Variants in ZNF502 observed in about 807,000 individuals in gnomAD.
ZNF502 encodes the protein zinc finger protein 502.
ZNF502 carries 29 observed loss-of-function variants against 43.6 expected under a neutral mutation model. The observed-to-expected ratio is 0.67, with a 90% CI of 0.50 to 0.91. ZNF502 has a LOEUF of 0.91. Among genes scored for constraint, ZNF502 ranks in the 40% least tolerant of loss-of-function variants. ZNF502 has a pLI of 0.00. For synonymous variants in ZNF502, 171 were observed against 207.4 expected (o/e 0.82, Z 1.51); for missense variants, 591 against 647.2 (o/e 0.91, Z 0.94).
rs144616637 is a variant in ZNF502 at position 44,721,677 on chromosome 3, G to T, written c.860G>T (p.Arg287Ile). 2 of 1,614,032 alleles carry T rather than the reference G, an allele frequency of 1.2e-6. No homozygotes were observed. The highest frequency in any genetic ancestry group is 2.2e-5 in the East Asian group (1 of 44,870). Reference sequence around the variant, plus strand: ...AATACACACCTTATTCATCATCAGAGAATTCACACTGGTGAGAAGCCTTAC... The same window carrying T: ...AATACACACCTTATTCATCATCAGATAATTCACACTGGTGAGAAGCCTTAC... ...NQNTHLIHHQ[R>I]IHTGEKPYIC... Residue 287 changes from arginine (R) to isoleucine (I), a missense_variant, in exon 3 of 3, where the codon AGA becomes ATA. Coordinates refer to ENST00000436624, the MANE Select transcript of ZNF502 (RefSeq NM_001134442.3).
At chr3:44,716,896 G>A (rs886565470) in intron 1 of ZNF502, among the ~76,000 whole-genome samples, 2 of 151,874 alleles carry the variant, frequency 1.3e-5, no homozygotes, top group African/African-American at 4.8e-5. Context: ...TTTTCTCTCA[G>A]TTCATCTTTT....
chr3:44,713,987 C>T (rs1046934744), intron 1 of ZNF502, among the ~76,000 whole-genome samples: 1 of 152,122 alleles, frequency 6.6e-6, no homozygotes, highest in Non-Finnish European at 1.5e-5. Flanking sequence ...AAGTGTACTG[C>T]CACAGCTTGG....
Position 44,722,365 on chromosome 3 carries a change from G to T in ZNF502, c.1548G>T (p.Glu516Asp). Reference sequence around the variant, plus strand: ...AACATTACAGAATTCACACTGGTGAGAAGCCTTATGAGTGTATTGAGTGTG... The same window carrying T: ...AACATTACAGAATTCACACTGGTGATAAGCCTTATGAGTGTATTGAGTGTG... The part of the protein sequence containing the change: ...LSEHYRIHTG[E>D]KPYECIECGK... Residue 516 changes from glutamate to aspartate, a missense_variant, in exon 3 of 3, where the codon GAG becomes GAT. Physicochemically the swap from Glu to Asp is conservative, Grantham distance 45. Transcript: ENST00000436624. 6.2e-7 allele frequency: 1 copy of T among 1,614,258 alleles called. No individual in the cohort carries two copies. The highest frequency in any genetic ancestry group is 1.1e-5 in the South Asian group (1 of 91,088).
At chr3:44,718,974 T>A (rs1376387130) in intron 1 of ZNF502, among the ~76,000 whole-genome samples, 2 of 113,316 alleles carry the variant, frequency 1.8e-5, no homozygotes, top group Non-Finnish European at 3.5e-5. Context: ...AGGATCATCT[T>A]CTTTTTTTTT....
At chr3:44,715,528 A>G (rs1189012526) in intron 1 of ZNF502, among the ~76,000 whole-genome samples, 2 of 152,184 alleles carry the variant, frequency 1.3e-5, no homozygotes, top group Non-Finnish European at 2.9e-5. Flanking sequence ...AAAGTTTACC[A>G]TAATTTTATT....
Position 44,721,017 on chromosome 3 carries a change from A to G in ZNF502, c.200A>G (p.Asn67Ser). 1 of 1,613,894 alleles carries G rather than the reference A, an allele frequency of 6.2e-7. No individual in the cohort carries two copies. Among genetic ancestry groups the G allele is most frequent in the Admixed American group, 1.7e-5 (1 of 59,992 alleles). Residue 67 changes from asparagine (N) to serine (S), a missense_variant, in exon 3 of 3, where the codon AAC becomes AGC. By Grantham distance (46) the Asn-to-Ser change is conservative (BLOSUM62 1). Coordinates refer to ENST00000436624, the MANE Select transcript of ZNF502 (RefSeq NM_001134442.3). ...EKYACEGMKE[N>S]SPREIAESCL... ...TATGCATGTGAGGGCATGAAGGAAAACTCTCCTAGGGAGATTGCTGAATCA... is the reference window on the plus strand; with the variant it reads ...TATGCATGTGAGGGCATGAAGGAAAGCTCTCCTAGGGAGATTGCTGAATCA...
At chr3:44,718,055 T>TA (rs1287534718) in intron 1 of ZNF502, among the ~76,000 whole-genome samples, 36 of 152,340 alleles carry the variant, frequency 2.4e-4, no homozygotes, top group African/African-American at 8.2e-4. Context: ...GTACTTTTTT[T>TA]ATGTCTAAAA....
At chr3:44,716,208 A>G (rs1704139012) in intron 1 of ZNF502, among the ~76,000 whole-genome samples, 3 of 145,634 alleles carry the variant, frequency 2.1e-5, no homozygotes, top group African/African-American at 7.7e-5. Context: ...TTTTTTTGAG[A>G]CGGAGTTTCG....
intron 2 of ZNF502, among the ~76,000 whole-genome samples, chr3:44,720,653 T>C (rs527930239): frequency 2.0e-5 from 3 of 152,318 alleles, no homozygotes; most frequent in East Asian, 3.9e-4. Flanking sequence ...TGGGTGTCTG[T>C]AGCTACCCCT....
At position 44,720,941 on chromosome 3, in the gene ZNF502, G is replaced by T. The variant is rs779676775; in HGVS notation, c.124G>T (p.Val42Leu). ...VCKIDSSGIVVKRFQEDEYQD... is the reference protein window; with the variant it reads ...VCKIDSSGIVLKRFQEDEYQD... ...TAAAATTGACTCATCAGGGATAGTA[G>T]TAAAGAGGTTCCAAGAGGATGAATA... Residue 42 changes from valine to leucine, a missense_variant, in exon 3 of 3, where the codon GTA becomes TTA. By Grantham distance (32) the Val-to-Leu change is conservative. Coordinates refer to ENST00000436624, the MANE Select transcript of ZNF502 (RefSeq NM_001134442.3). 98 of 1,614,022 alleles carry T rather than the reference G, an allele frequency of 6.1e-5. No individual in the cohort carries two copies. Among genetic ancestry groups the T allele is most frequent in the Non-Finnish European group, 8.2e-5 (97 of 1,180,014 alleles).
At position 44,723,560 on chromosome 3, in the gene ZNF502, G is replaced by A. The variant is rs1056680845; in HGVS notation, c.*1108G>A. 1 of 152,224 alleles carries A rather than the reference G, an allele frequency of 6.6e-6. No individual in the cohort carries two copies. The highest frequency in any genetic ancestry group is 1.5e-5 in the Non-Finnish European group (1 of 68,046). The allele number at this position is 152,224 out of a possible 1,614,324, so 9.4% of individuals were successfully genotyped here. A position where few individuals can be genotyped will look rare whatever the true frequency, so the allele number is the denominator to read the frequency against. ...TTGACATTTGTCGTGGAATGACTTTGGAAAGACTTCTAAAAGAATCTTTTT... is the reference window on the plus strand; with the variant it reads ...TTGACATTTGTCGTGGAATGACTTTAGAAAGACTTCTAAAAGAATCTTTTT... On this transcript the variant is annotated 3_prime_UTR_variant, in exon 3 of 3. Coordinates refer to ENST00000436624, the MANE Select transcript of ZNF502 (RefSeq NM_001134442.3).
At chr3:44,716,253 T>A (rs1329740300) in intron 1 of ZNF502, among the ~76,000 whole-genome samples, 1 of 151,742 alleles carries the variant, frequency 6.6e-6, no homozygotes, top group Non-Finnish European at 1.5e-5. Context: ...AGTGGCGTGA[T>A]CTCGGCTCAC....
Position 44,720,936 on chromosome 3 carries a change from T to C in ZNF502, c.119T>C (p.Ile40Thr), listed in dbSNP as rs1704302077. Residue 40 changes from isoleucine to threonine, a missense_variant, in exon 3 of 3, where the codon ATA becomes ACA. By Grantham distance (89) the Ile-to-Thr change is moderately conservative (BLOSUM62 -1). Coordinates refer to ENST00000436624, the MANE Select transcript of ZNF502 (RefSeq NM_001134442.3). ...QDVCKIDSSG[I>T]VVKRFQEDEY... is the part of the protein sequence containing the mutation. ...GTCTGTAAAATTGACTCATCAGGGA[T>C]AGTAGTAAAGAGGTTCCAAGAGGAT... 1.9e-6 allele frequency: 3 copies of C among 1,614,074 alleles called. No individual in the cohort carries two copies. Among genetic ancestry groups the C allele is most frequent in the Non-Finnish European group, 2.5e-6 (3 of 1,179,994 alleles).
Position 44,722,314 on chromosome 3 carries a change from C to T in ZNF502, c.1497C>T (p.Thr499=), listed in dbSNP as rs961050043. The change falls in exon 3 of 3, where the codon ACC becomes ACT. Residue 499 remains threonine, a synonymous_variant. Transcript: ENST00000436624. The part of the protein sequence containing the change: ...KLYKCSECEK[T]FRKYAHLSEH... ...ATAAATGTAGTGAGTGTGAGAAAAC[C>T]TTCCGCAAGTATGCACACCTTAGTG... is the stretch of plus-strand genomic sequence containing the variant. 6.8e-6 allele frequency: 11 copies of T among 1,614,088 alleles called. No homozygotes were observed. The highest frequency in any genetic ancestry group is 5.0e-5 in the Admixed American group (3 of 60,018).
In ZNF502 at chr3:44,723,053, A is replaced by G. The variant is rs1449356172; in HGVS notation, c.*601A>G. The G allele has an allele frequency of 1.3e-5, 2 of 152,052 alleles. No homozygotes were observed. Among genetic ancestry groups the G allele is most frequent in the Non-Finnish European group, 2.9e-5 (2 of 68,038 alleles). 9.4% of individuals were successfully genotyped at this position (152,052 alleles called of 1,614,324 possible). A position where few individuals can be genotyped will look rare whatever the true frequency, so the allele number is the denominator to read the frequency against. ...TAAAGCAACAACTGGGCTGACCTCT[A>G]TAGATCTGCCAGTAAAGAAGGCTTT... On this transcript the variant is annotated 3_prime_UTR_variant, in exon 3 of 3. Transcript: ENST00000436624.
intron 1 of ZNF502, among the ~76,000 whole-genome samples, chr3:44,715,944 T>C (rs1189522541): frequency 1.3e-5 from 2 of 152,166 alleles, no homozygotes; most frequent in South Asian, 2.1e-4. Context: ...ATGGCATAAA[T>C]ATTTTTCCCA....
intron 1 of ZNF502, among the ~76,000 whole-genome samples, chr3:44,717,447 T>C (rs1704175948): frequency 6.8e-6 from 1 of 147,214 alleles, no homozygotes; most frequent in South Asian, 2.2e-4. Context: ...GTTTCGCTCT[T>C]GTCGCCCAGG....
rs1006602212 is a variant in ZNF502, at chr3:44,721,808, A to G, written c.991A>G (p.Thr331Ala). The G allele has an allele frequency of 3.1e-6, 5 of 1,613,990 alleles. No individual in the cohort carries two copies. The African/African-American group carries it at 6.7e-5, about 22-fold the overall frequency. ...KPHKCDECGK[T>A]FQTKANLSQH... The stretch of plus-strand genomic sequence containing the variant: ...CCATAAATGTGACGAATGTGGGAAA[A>G]CTTTCCAAACAAAGGCAAACCTCTC... Residue 331 changes from threonine (T) to alanine (A), a missense_variant, in exon 3 of 3, where the codon ACT (threonine) becomes GCT (alanine). Physicochemically the swap from Thr to Ala is moderately conservative, Grantham distance 58. Transcript: ENST00000436624.
At position 44,720,928 on chromosome 3, in the gene ZNF502, A is replaced by G. The variant is rs752160255; in HGVS notation, c.111A>G (p.Ser37=). Residue 37 remains serine (S), a synonymous_variant, in exon 3 of 3, where the codon TCA becomes TCG. Transcript: ENST00000436624. Reference sequence around the variant, plus strand: ...AGCAGGATGTCTGTAAAATTGACTCATCAGGGATAGTAGTAAAGAGGTTCC... The same window carrying G: ...AGCAGGATGTCTGTAAAATTGACTCGTCAGGGATAGTAGTAAAGAGGTTCC... The part of the protein sequence containing the change: ...ALEQDVCKID[S]SGIVVKRFQE... The G allele has an allele frequency of 6.2e-7, 1 of 1,614,096 alleles. No individual in the cohort carries two copies.
Sources: gnomAD v4.1 joint callset for allele counts (sites outside exome capture counted in the v4.1 genomes callset) on GRCh38, gnomAD v4.1.1 for gene constraint, MANE v1.5 for transcripts, NCBI Gene and HGNC (gene_info 2026-07-23, HGNC 2026-07-21) for gene names.